Variants in SOX5 observed in about 807,000 individuals in gnomAD.
SOX5 encodes SRY-box transcription factor 5.
A neutral mutation model predicts 92.0 loss-of-function variants in SOX5; 9 were observed. That is an observed-to-expected ratio of 0.10 (90% confidence interval 0.06 to 0.17). The LOEUF (loss-of-function observed/expected upper bound fraction) is 0.17. Ranked by LOEUF, SOX5 falls within the 10% of genes least tolerant of loss-of-function variation. The probability of loss-of-function intolerance (pLI) is 1.00; values close to 1 mark genes in which losing one functional copy is unlikely to be tolerated. For missense variants in SOX5, 642 were observed against 944.5 expected, an observed-to-expected ratio of 0.68 and a Z score of 4.20; for synonymous variants, 344 against 336.3, an observed-to-expected ratio of 1.02 and a Z score of -0.25.
intron 11 of SOX5, among the ~76,000 whole-genome samples, chr12:23,556,083 A>AT (rs1481681472): frequency 2.0e-5 from 3 of 152,146 alleles, no homozygotes; most frequent in Admixed American, 2.0e-4. Context: ...CTCTGTGCTG[A>AT]TAATATTCAC....
chr12:23,786,860 A>T (rs925846794), intron 3 of SOX5, among the ~76,000 whole-genome samples: 5 of 146,068 alleles, frequency 3.4e-5, no homozygotes, highest in Admixed American at 3.3e-4. Flanking sequence ...AATTATGCAA[A>T]TAATATCTAT....
chr12:24,046,164 A>C (rs1484691240), intron 4 of SOX5, among the ~76,000 whole-genome samples: 1 of 152,202 alleles, frequency 6.6e-6, no homozygotes, highest in Non-Finnish European at 1.5e-5. Context: ...AGTCTGCCCA[A>C]GGTCAAAGCC....
At chr12:24,295,402 T>C (rs1296266444) in intron 2 of SOX5, among the ~76,000 whole-genome samples, 2 of 152,208 alleles carry the variant, frequency 1.3e-5, no homozygotes, top group Admixed American at 6.5e-5. Flanking sequence ...ACTGGCTATT[T>C]AAGACACCCC....
At chr12:24,516,269 G>T (rs1283046248) in intron 1 of SOX5, among the ~76,000 whole-genome samples, 3 of 151,910 alleles carry the variant, frequency 2.0e-5, no homozygotes, top group Non-Finnish European at 1.5e-5. Flanking sequence ...GCTGGTCTCT[G>T]ACTCCTGGCC....
At chr12:24,401,708 TAA>T (rs71063321) in intron 1 of SOX5, among the ~76,000 whole-genome samples, 19 of 99,442 alleles carry the variant, frequency 1.9e-4, no homozygotes, top group Non-Finnish European at 3.0e-4. Context: ...ACCCTATCTT[TAA>T]AAAAAAAAAA....
At chr12:23,599,125 C>G (rs1865566964) in intron 9 of SOX5, among the ~76,000 whole-genome samples, 1 of 152,176 alleles carries the variant, frequency 6.6e-6, no homozygotes, top group Non-Finnish European at 1.5e-5. Context: ...TAATAGGAGT[C>G]ATCGGCACTG....
chr12:24,179,329 C>A (rs777978264), intron 4 of SOX5, among the ~76,000 whole-genome samples: 1 of 152,066 alleles, frequency 6.6e-6, no homozygotes, highest in Non-Finnish European at 1.5e-5. Flanking sequence ...TAAAATAGTT[C>A]GACTTACAAT....
chr12:23,886,366 G>T (rs2097065420), intron 2 of SOX5, among the ~76,000 whole-genome samples: 1 of 152,098 alleles, frequency 6.6e-6, no homozygotes, highest in Non-Finnish European at 1.5e-5. Flanking sequence ...GTTATACAAA[G>T]ATCCCTTTTA....
chr12:24,166,211 A>G (rs1179477451), intron 4 of SOX5, among the ~76,000 whole-genome samples: 2 of 152,164 alleles, frequency 1.3e-5, no homozygotes, highest in Admixed American at 6.6e-5. Context: ...TGGAAAATAC[A>G]AGAAGAGGAG....
chr12:24,106,396 A>T (rs933275191), intron 4 of SOX5, among the ~76,000 whole-genome samples: 1 of 152,222 alleles, frequency 6.6e-6, no homozygotes, highest in South Asian at 2.1e-4. Flanking sequence ...ATTCAAAACT[A>T]TACATGACAT....
At chr12:24,377,744 T>A (rs1957432015) in intron 1 of SOX5, among the ~76,000 whole-genome samples, 1 of 152,184 alleles carries the variant, frequency 6.6e-6, no homozygotes, top group African/African-American at 2.4e-5. Flanking sequence ...AGTTTCCACA[T>A]CTGTAAAGTC....
Position 23,883,917 on chromosome 12 carries a change from C to T in SOX5, c.270+11876G>A, listed in dbSNP as rs181229307. ...ATAATATCTCAGATTGAATAATGAT[C>T]TTTCAATGACAAGAGATTGAGACTT... On this transcript the variant is annotated intron_variant, in intron 2 of 14. Transcript: ENST00000451604. 6.6e-5 allele frequency among the ~76,000 whole-genome samples: 10 copies of T among 152,216 alleles called. 1 individual carries two copies. Among genetic ancestry groups the T allele is most frequent in the Admixed American group, 6.5e-4 (10 of 15,284 alleles).
At position 24,451,139 on chromosome 12, in the gene SOX5, G is replaced by A. The variant is rs138428070; in HGVS notation, c.-250-82500C>T. Among the ~76,000 whole-genome samples the A allele has an allele frequency of 4.8e-3, 724 of 152,140 alleles. 14 individuals are homozygous for A. The highest frequency in any genetic ancestry group is 0.023 in the East Asian group (121 of 5,186). On this transcript the variant is annotated intron_variant, in intron 1 of 4. Transcript: ENST00000446891. ...AATGACAGGATCTCATCCTTTTTACGGCTGAATAGTACTCCACTGTGTATA... is the reference window on the plus strand; with the variant it reads ...AATGACAGGATCTCATCCTTTTTACAGCTGAATAGTACTCCACTGTGTATA...
At chr12:23,825,526 T>C (rs556385692) in intron 3 of SOX5, among the ~76,000 whole-genome samples, 2 of 152,172 alleles carry the variant, frequency 1.3e-5, no homozygotes, top group Non-Finnish European at 2.9e-5. Flanking sequence ...TTCGGCCATC[T>C]TGCCCGGGGG....
intron 6 of SOX5, among the ~76,000 whole-genome samples, chr12:23,695,940 C>CAAAAAAAAA (rs71059917): frequency 0.011 from 128 of 11,908 alleles, 11 homozygotes; most frequent in African/African-American, 0.023. Flanking sequence ...GACTCTGTCT[C>CAAAAAAAAA]AAAAAAAAAA....
intron 1 of SOX5, among the ~76,000 whole-genome samples, chr12:23,909,035 C>T (rs1166497558): frequency 1.3e-5 from 2 of 151,568 alleles, no homozygotes; most frequent in Admixed American, 6.6e-5. Flanking sequence ...GGAATGCTAA[C>T]CCCCAAAATA....
At chr12:23,758,008 C>CAAAAAAAAAA (rs34841595) in intron 3 of SOX5, among the ~76,000 whole-genome samples, 45 of 68,252 alleles carry the variant, frequency 6.6e-4, no homozygotes, top group African/African-American at 1.7e-3. Context: ...GCACACACTA[C>CAAAAAAAAAA]AAAAAAAAAA....
At chr12:23,727,622 A>G (rs75089365) in intron 6 of SOX5, among the ~76,000 whole-genome samples, 3,851 of 152,288 alleles carry the variant, frequency 0.025, 174 homozygotes, top group African/African-American at 0.087. Context: ...TACTCAATAA[A>G]TTTAAATAAT....
At chr12:23,762,147 T>C (rs1267924613) in intron 3 of SOX5, among the ~76,000 whole-genome samples, 1 of 152,104 alleles carries the variant, frequency 6.6e-6, no homozygotes, top group African/African-American at 2.4e-5. Context: ...TGGAAAGCTA[T>C]TTGTACACTA....
Sources: gnomAD v4.1 joint callset for allele counts (sites outside exome capture counted in the v4.1 genomes callset) on GRCh38, gnomAD v4.1.1 for gene constraint, MANE v1.5 for transcripts, NCBI Gene and HGNC (gene_info 2026-07-23, HGNC 2026-07-21) for gene names.